The following LRRTM4 variants were observed in gnomAD, a reference collection of about 807,000 sequenced individuals.
The protein encoded by LRRTM4 is leucine-rich repeat transmembrane neuronal protein 4.
In LRRTM4, 25 loss-of-function variants were observed where a neutral mutation model predicts 47.6. The ratio of observed to expected loss-of-function variants is 0.53; its 90% CI spans 0.38 to 0.73. The LOEUF (loss-of-function observed/expected upper bound fraction) is 0.73, where lower values mean the gene tolerates loss of function less well. Among genes scored for constraint, LRRTM4 ranks in the 30% least tolerant of loss-of-function variants. LRRTM4 has a pLI of 0.00. For missense variants in LRRTM4, 638 were observed against 713.4 expected, an observed-to-expected ratio of 0.89 and a Z score of 1.20; for synonymous variants, 311 against 269.5, an observed-to-expected ratio of 1.15 and a Z score of -1.51.
chr2:76,905,824 C>A (rs1057252789), intron 3 of LRRTM4, among the ~76,000 whole-genome samples: 1 of 152,116 alleles, frequency 6.6e-6, no homozygotes, highest in African/African-American at 2.4e-5. Flanking sequence ...CGAACAAAGC[C>A]TCCAAGAAAT....
chr2:77,125,185 T>A (rs1430049682), intron 3 of LRRTM4, among the ~76,000 whole-genome samples: 1 of 152,212 alleles, frequency 6.6e-6, no homozygotes, highest in African/African-American at 2.4e-5. Context: ...GTTCTAGCTG[T>A]CTTAGTGGAT....
chr2:77,419,454 ATACTTT>A (rs1344047974), intron 3 of LRRTM4, among the ~76,000 whole-genome samples: 1 of 152,180 alleles, frequency 6.6e-6, no homozygotes, highest in Non-Finnish European at 1.5e-5. Flanking sequence ...ATATTCCCAA[ATACTTT>A]TAATCATCTC....
intron 3 of LRRTM4, among the ~76,000 whole-genome samples, chr2:76,974,201 T>TATAC (rs1558771634): frequency 1.4e-5 from 1 of 70,698 alleles, no homozygotes; most frequent in African/African-American, 9.1e-5. Flanking sequence ...TATATACATA[T>TATAC]ATATATATAC....
At chr2:77,181,349 A>G (rs376838330) in intron 3 of LRRTM4, among the ~76,000 whole-genome samples, 1 of 152,170 alleles carries the variant, frequency 6.6e-6, no homozygotes, top group South Asian at 2.1e-4. Context: ...CAGTATCACT[A>G]AAGACTTAGA....
intron 3 of LRRTM4, among the ~76,000 whole-genome samples, chr2:77,224,798 G>C (rs965593609): frequency 1.3e-5 from 2 of 152,152 alleles, no homozygotes. Flanking sequence ...GTGGAAGTCA[G>C]TGTGGTGATT....
intron 3 of LRRTM4, among the ~76,000 whole-genome samples, chr2:77,144,051 G>C (rs1269921344): frequency 6.6e-6 from 1 of 152,124 alleles, no homozygotes; most frequent in African/African-American, 2.4e-5. Context: ...AGATGAGAAG[G>C]ACAGCAAATT....
intron 3 of LRRTM4, among the ~76,000 whole-genome samples, chr2:76,795,194 T>A (rs2103735301): frequency 6.6e-6 from 1 of 152,250 alleles, no homozygotes; most frequent in East Asian, 1.9e-4. Flanking sequence ...GGTGCCCGAA[T>A]CCACAAATAA....
At chr2:76,754,269 G>T (rs1201629247) in intron 3 of LRRTM4, among the ~76,000 whole-genome samples, 1 of 151,766 alleles carries the variant, frequency 6.6e-6, no homozygotes. Context: ...GGCTATATTA[G>T]TATGTGACAA....
intron 3 of LRRTM4, among the ~76,000 whole-genome samples, chr2:77,494,793 C>A (rs1407217999): frequency 6.6e-6 from 1 of 152,042 alleles, no homozygotes; most frequent in Admixed American, 6.6e-5. Context: ...CTCTTCAGTC[C>A]TCCTGCATCA....
chr2:76,750,700 G>C (rs1322835972), intron 3 of LRRTM4, among the ~76,000 whole-genome samples: 1 of 152,102 alleles, frequency 6.6e-6, no homozygotes, highest in Non-Finnish European at 1.5e-5. Context: ...TCATTCGTCT[G>C]TTTACTATGC....
intron 3 of LRRTM4, among the ~76,000 whole-genome samples, chr2:76,876,000 C>G (rs1485560128): frequency 6.6e-6 from 1 of 152,086 alleles, no homozygotes; most frequent in Non-Finnish European, 1.5e-5. Context: ...CCATCTTTAA[C>G]TTGTTGCCAT....
chr2:76,996,939 C>T (rs1455680702), intron 3 of LRRTM4, among the ~76,000 whole-genome samples: 1 of 152,072 alleles, frequency 6.6e-6, no homozygotes, highest in Non-Finnish European at 1.5e-5. Context: ...AAATGATAAA[C>T]AGCACATATC....
In LRRTM4 at chr2:77,401,608, T is replaced by C. The variant is rs183540659; in HGVS notation, c.1551+116710A>G. ...TAAATTTTGTTAACAAATAAGTGGA[T>C]GAATAAATATTTAAATATTGTATTT... On this transcript the variant is annotated intron_variant, in intron 3 of 3. Transcript: ENST00000409884. Among the ~76,000 whole-genome samples, 17 of 152,084 alleles carry C rather than the reference T, an allele frequency of 1.1e-4. No homozygotes were observed. The East Asian group carries it at 2.9e-3, about 26-fold the overall frequency.
intron 3 of LRRTM4, among the ~76,000 whole-genome samples, chr2:76,792,799 G>C (rs900741360): frequency 1.4e-4 from 22 of 152,260 alleles, no homozygotes; most frequent in African/African-American, 5.1e-4. Flanking sequence ...AAATTAGCTT[G>C]TATCTGGTTA....
At chr2:77,139,512 G>A (rs113532972) in intron 3 of LRRTM4, among the ~76,000 whole-genome samples, 87 of 152,226 alleles carry the variant, frequency 5.7e-4, no homozygotes, top group African/African-American at 1.8e-3. Context: ...CAAACCCACA[G>A]CCAATATCAT....
intron 3 of LRRTM4, among the ~76,000 whole-genome samples, chr2:77,388,100 C>A (rs943693500): frequency 6.6e-6 from 1 of 150,774 alleles, no homozygotes; most frequent in African/African-American, 2.4e-5. Context: ...GAGTGTGATG[C>A]AGGACTGAGG....
rs968395575 is a variant in LRRTM4 at position 77,217,688 on chromosome 2, C to T, written c.1551+300630G>A. Reference sequence around the variant, plus strand: ...AGATGGTTTCTTTATTTTCTAAGTTCTTGCATACCAATTACAGATAAGTCA... The same window carrying T: ...AGATGGTTTCTTTATTTTCTAAGTTTTTGCATACCAATTACAGATAAGTCA... On this transcript the variant is annotated intron_variant, in intron 3 of 3. Coordinates refer to ENST00000409884, the MANE Select transcript of LRRTM4 (RefSeq NM_001134745.3). 4.6e-5 allele frequency among the ~76,000 whole-genome samples: 7 copies of T among 151,566 alleles called. 1 individual carries two copies. Among genetic ancestry groups the T allele is most frequent in the Admixed American group, 2.6e-4 (4 of 15,212 alleles).
At position 77,034,419 on chromosome 2, in the gene LRRTM4, A is replaced by G. The variant is rs191236262; in HGVS notation, c.1552-285503T>C. Among the ~76,000 whole-genome samples the G allele has an allele frequency of 3.3e-3, 507 of 152,060 alleles. 2 individuals are homozygous for G. Among genetic ancestry groups the G allele is most frequent in the African/African-American group, 0.011 (470 of 41,526 alleles). Reference sequence around the variant, plus strand: ...ACGTTTTTCTAGTTTTAATATCAATATGCACATTCCTAGACATAAATAGTT... The same window carrying G: ...ACGTTTTTCTAGTTTTAATATCAATGTGCACATTCCTAGACATAAATAGTT... On this transcript the variant is annotated intron_variant, in intron 3 of 3. Transcript: ENST00000409884.
chr2:76,771,853 C>G (rs964560192), intron 3 of LRRTM4, among the ~76,000 whole-genome samples: 1 of 152,016 alleles, frequency 6.6e-6, no homozygotes, highest in Admixed American at 6.5e-5. Flanking sequence ...GACTCTAACT[C>G]TATGTGACGA....
Sources: gnomAD v4.1 joint callset for allele counts (sites outside exome capture counted in the v4.1 genomes callset) on GRCh38, gnomAD v4.1.1 for gene constraint, MANE v1.5 for transcripts, NCBI Gene and HGNC (gene_info 2026-07-23, HGNC 2026-07-21) for gene names.